Variants in PLEKHA5 observed in about 807,000 individuals in gnomAD.
PLEKHA5 encodes pleckstrin homology domain-containing family A member 5.
PLEKHA5 carries 55 observed loss-of-function variants against 181.9 expected under a neutral mutation model. The observed-to-expected ratio is 0.30, with a 90% confidence interval of 0.24 to 0.38. The LOEUF is 0.38. Among genes scored for constraint, PLEKHA5 ranks in the 10% least tolerant of loss-of-function variants. The pLI, the probability that PLEKHA5 is intolerant of heterozygous loss-of-function variation, is 1.00. For missense variants in PLEKHA5, 1,432 were observed against 1,549.5 expected (o/e 0.92, Z 1.27); for synonymous variants, 535 against 529.4 (o/e 1.01, Z -0.15).
rs372678324 is a variant in PLEKHA5, at chr12:19,257,505, C to A, written c.505C>A (p.Pro169Thr). The stretch of plus-strand genomic sequence containing the variant: ...TTCAATTAAAAGGAATCCTAATGCA[C>A]CGGTTGTCAGACGAGGTTGGCTTTA... The part of the protein sequence containing the change: ...SNSIKRNPNA[P>T]VVRRGWLYKQ... The change falls in exon 6 of 32, where the codon CCG becomes ACG. Residue 169 changes from proline (P) to threonine (T), a missense_variant. By Grantham distance (38) the Pro-to-Thr change is conservative. Coordinates refer to ENST00000429027, the MANE Select transcript of PLEKHA5 (RefSeq NM_001256470.2). 1 of 1,603,500 alleles carries A rather than the reference C, an allele frequency of 6.2e-7. No individual in the cohort carries two copies. The highest frequency in any genetic ancestry group is 8.5e-7 in the Non-Finnish European group (1 of 1,174,502).
chr12:19,176,288 T>TG (rs1176419424), intron 3 of PLEKHA5: 1 of 150,968 alleles, frequency 6.6e-6, no homozygotes, highest in African/African-American at 2.4e-5. Flanking sequence ...TTTTTTTTTT[T>TG]TAAGATGGAG....
At chr12:19,169,496 A>G (rs1457784000) in intron 3 of PLEKHA5, among the ~76,000 whole-genome samples, 1 of 152,196 alleles carries the variant, frequency 6.6e-6, no homozygotes, top group Non-Finnish European at 1.5e-5. Context: ...CACTGATTGA[A>G]ACATCTACCA....
intron 30 of PLEKHA5, 150 bp downstream of exon 30, chr12:19,366,259 G>A: frequency 1.5e-6 from 1 of 654,884 alleles, no homozygotes; most frequent in Non-Finnish European, 2.6e-6. Flanking sequence ...ACCTTCAGGA[G>A]GATGCAGCCC....
intron 3 of PLEKHA5, among the ~76,000 whole-genome samples, chr12:19,217,726 A>G (rs960498444): frequency 6.6e-6 from 1 of 152,196 alleles, no homozygotes; most frequent in Non-Finnish European, 1.5e-5. Flanking sequence ...GAGATCATTA[A>G]TGTGGCAATG....
chr12:19,130,117 G>A lies in PLEKHA5; in HGVS notation c.156G>A (p.Arg52=). 1 of 1,578,796 alleles carries A rather than the reference G, an allele frequency of 6.3e-7. No homozygotes were observed. The highest frequency in any genetic ancestry group is 1.2e-5 in the South Asian group (1 of 86,146). ...GCGAGGCGGTGGTCACCGGACACCG[G>A]CGGCAGAGCACAGGTAACGCCGGGC... is the stretch of plus-strand genomic sequence containing the variant. ...VTGEAVVTGH[R]RQSTDLPTGW... Residue 52 remains arginine, a synonymous_variant, in exon 2 of 32, where the codon CGG becomes CGA. Transcript: ENST00000429027. This position sits in a 1 kb window ranked among gnomAD's most constrained non-coding sequence, Gnocchi z 4.5.
intron 6 of PLEKHA5, among the ~76,000 whole-genome samples, chr12:19,260,713 A>T (rs1187717564): frequency 1.3e-5 from 2 of 152,034 alleles, no homozygotes; most frequent in Admixed American, 6.6e-5. Context: ...AAAAAAAATT[A>T]ACCTGGCATG....
At chr12:19,152,230 T>G (rs2040580153) in intron 3 of PLEKHA5, 1 of 152,204 alleles carries the variant, frequency 6.6e-6, no homozygotes, top group South Asian at 2.1e-4. Context: ...TTTTTTGCTG[T>G]TAGTCATTTT....
In PLEKHA5 at chr12:19,320,529, T is replaced by G; in HGVS notation, c.2155-33T>G. The G allele has an allele frequency of 4.8e-6, 5 of 1,040,204 alleles. No individual in the cohort carries two copies. The South Asian group carries it at 7.0e-5, about 14-fold the overall frequency. 64.4% of individuals were successfully genotyped at this position (1,040,204 alleles called of 1,614,324 possible). A position where few individuals can be genotyped will look rare whatever the true frequency, so the allele number is the denominator to read the frequency against. ...GGGTAAATATATTTTTAAATAAGAT[T>G]TTTTAAGTTGCTATATGATTTTTTT... On this transcript the variant is annotated intron_variant, in intron 17 of 31. Coordinates refer to ENST00000429027, the MANE Select transcript of PLEKHA5 (RefSeq NM_001256470.2).
chr12:19,357,991 C>G (rs532564942), intron 26 of PLEKHA5, among the ~76,000 whole-genome samples: 2 of 152,092 alleles, frequency 1.3e-5, no homozygotes, highest in Admixed American at 1.3e-4. Flanking sequence ...TTTTCTCTCT[C>G]CTCCCTTATA....
chr12:19,155,208 A>G (rs1035536194), intron 3 of PLEKHA5, among the ~76,000 whole-genome samples: 3 of 152,190 alleles, frequency 2.0e-5, no homozygotes, highest in Non-Finnish European at 2.9e-5. Flanking sequence ...CACAAGCTCT[A>G]TGTAAAATAA....
chr12:19,334,673 A>G (rs925714629), intron 20 of PLEKHA5, among the ~76,000 whole-genome samples: 2 of 150,938 alleles, frequency 1.3e-5, no homozygotes, highest in African/African-American at 2.4e-5. Flanking sequence ...TAATTTTCAT[A>G]TTTATTCATG....
intron 30 of PLEKHA5, among the ~76,000 whole-genome samples, chr12:19,368,631 A>G (rs2095497238): frequency 6.6e-6 from 1 of 152,094 alleles, no homozygotes; most frequent in Non-Finnish European, 1.5e-5. Flanking sequence ...CGTCTCTACT[A>G]AAAATACAAA....
At chr12:19,288,501 C>G (rs565468694) in intron 13 of PLEKHA5, among the ~76,000 whole-genome samples, 1 of 152,264 alleles carries the variant, frequency 6.6e-6, no homozygotes, top group Non-Finnish European at 1.5e-5. Flanking sequence ...TAGATAACCT[C>G]AGTTTCTGTA....
At chr12:19,193,869 G>A (rs2051896567) in intron 3 of PLEKHA5, among the ~76,000 whole-genome samples, 2 of 152,176 alleles carry the variant, frequency 1.3e-5, no homozygotes, top group African/African-American at 4.8e-5. Context: ...TGGCAGAAGG[G>A]AAAGTGGGAG....
chr12:19,130,205 A>G lies in PLEKHA5; in HGVS notation c.169+75A>G, dbSNP rs2033086638. The G allele has an allele frequency of 5.8e-6, 5 of 864,586 alleles. No homozygotes were observed. Among genetic ancestry groups the G allele is most frequent in the Admixed American group, 7.8e-5 (2 of 25,732 alleles). The allele number at this position is 864,586 out of a possible 1,614,324, so 53.6% of individuals were successfully genotyped here. A position where few individuals can be genotyped will look rare whatever the true frequency, so the allele number is the denominator to read the frequency against. ...AGCCCGGGCCGCCCGGCTCCCCGCA[A>G]CCTGCCCCGCGCCGCGGGCCCCGGG... On this transcript the variant is annotated intron_variant, in intron 2 of 31. Coordinates refer to ENST00000429027, the MANE Select transcript of PLEKHA5 (RefSeq NM_001256470.2). This position sits in a 1 kb window ranked among gnomAD's most constrained non-coding sequence, Gnocchi z 4.5.
intron 31 of PLEKHA5, among the ~76,000 whole-genome samples, chr12:19,370,470 T>A (rs1430619498): frequency 3.3e-5 from 5 of 152,178 alleles, no homozygotes; most frequent in Non-Finnish European, 7.3e-5. Flanking sequence ...AACCTAGAAT[T>A]TAGTACTTAT....
In PLEKHA5 at chr12:19,283,750, A is replaced by C; in HGVS notation, c.1779+5A>C. 1 of 1,577,610 alleles carries C rather than the reference A, an allele frequency of 6.3e-7. No individual in the cohort carries two copies. Among genetic ancestry groups the C allele is most frequent in the African/African-American group, 1.3e-5 (1 of 74,346 alleles). ...CACAGGGCCCATCACCCTAAGGTAA[A>C]ATAGCTGCTGATTTTGTGTTAACTC... On this transcript the variant is annotated splice_donor_5th_base_variant and intron_variant, in intron 12 of 31. Coordinates refer to ENST00000429027, the MANE Select transcript of PLEKHA5 (RefSeq NM_001256470.2).
chr12:19,267,824 A>G (rs997685276), intron 8 of PLEKHA5, among the ~76,000 whole-genome samples: 7 of 150,300 alleles, frequency 4.7e-5, no homozygotes, highest in East Asian at 2.0e-4. Context: ...TTAGCCAGGT[A>G]TGGTGGCACA....
At position 19,129,901 on chromosome 12, in the gene PLEKHA5, G is replaced by C; in HGVS notation, c.89+13G>C. ...TCTTCTTCATCAAGTAAAGAGCCGG[G>C]GACGGCACGGGGGCCCGCGGGGGCG... On this transcript the variant is annotated intron_variant, in intron 1 of 31. Transcript: ENST00000429027. 5 of 1,596,366 alleles carry C rather than the reference G, an allele frequency of 3.1e-6. No individual in the cohort carries two copies. Among genetic ancestry groups the C allele is most frequent in the Non-Finnish European group, 4.3e-6 (5 of 1,171,048 alleles).
Sources: allele counts gnomAD v4.1 joint callset (sites outside exome capture counted in the v4.1 genomes callset), GRCh38; gene constraint gnomAD v4.1.1; non-coding constraint Gnocchi (gnomAD v3.1); transcripts MANE v1.5; gene names NCBI Gene and HGNC (gene_info 2026-07-23, HGNC 2026-07-21).